ADA: variants seen among roughly 807,000 people sequenced by gnomAD.
ADA encodes the protein adenosine aminohydrolase.
Under a neutral mutation model 49.0 loss-of-function variants are expected in ADA, and 45 were observed. The observed-to-expected ratio is 0.92, with a 90% CI of 0.72 to 1.18. The LOEUF (loss-of-function observed/expected upper bound fraction) is 1.18. ADA is among the 50% of genes most tolerant of loss of function. ADA has a pLI of 0.00. For missense variants in ADA, 445 were observed against 472.5 expected, an observed-to-expected ratio of 0.94 and a Z score of 0.54; for synonymous variants, 173 against 184.2, an observed-to-expected ratio of 0.94 and a Z score of 0.49.
chr20:44,636,252 G>T lies in ADA; in HGVS notation c.70C>A (p.Pro24Thr), dbSNP rs761815086. The change falls in exon 2 of 12, where the codon CCT becomes ACT. Residue 24 changes from proline (P) to threonine (T), a missense_variant. Coordinates refer to ENST00000372874, the MANE Select transcript of ADA (RefSeq NM_000022.4). ...CTGCCATAGTATAAGATGGTTTCAGGCTTGATGGATCCGTCTAGGTGGACA... is the reference window on the plus strand; with the variant it reads ...CTGCCATAGTATAAGATGGTTTCAGTCTTGATGGATCCGTCTAGGTGGACA... Reference protein sequence around the residue: ...LHVHLDGSIKPETILYYGRRR... With the variant: ...LHVHLDGSIKTETILYYGRRR... 2 of 1,610,668 alleles carry T rather than the reference G, an allele frequency of 1.2e-6. No homozygotes were observed. The highest frequency in any genetic ancestry group is 1.1e-5 in the South Asian group (1 of 90,206).
intron 1 of ADA, among the ~76,000 whole-genome samples, chr20:44,647,447 A>G (rs148047618): frequency 1.1e-4 from 16 of 151,726 alleles, no homozygotes; most frequent in African/African-American, 3.4e-4. Context: ...AAAAAAGAAA[A>G]AAAGAAAGAA....
At chr20:44,638,281 A>C (rs1049498322) in intron 1 of ADA, among the ~76,000 whole-genome samples, 1 of 152,202 alleles carries the variant, frequency 6.6e-6, no homozygotes, top group Non-Finnish European at 1.5e-5. Context: ...GTTGTCAACT[A>C]AAAGTCAATG....
chr20:44,632,715 G>A (rs966867475), intron 2 of ADA, among the ~76,000 whole-genome samples: 4 of 152,032 alleles, frequency 2.6e-5, no homozygotes, highest in Admixed American at 2.6e-4. Flanking sequence ...TTTTTGAGAC[G>A]GAGTCTTGCT....
intron 2 of ADA, among the ~76,000 whole-genome samples, chr20:44,631,657 C>T (rs550517135): frequency 4.1e-4 from 62 of 152,196 alleles, no homozygotes; most frequent in Non-Finnish European, 6.8e-4. Flanking sequence ...ACTCCACCTG[C>T]GGGGGCTCTG....
At chr20:44,647,506 G>C (rs913265126) in intron 1 of ADA, among the ~76,000 whole-genome samples, 1 of 152,054 alleles carries the variant, frequency 6.6e-6, no homozygotes, top group Non-Finnish European at 1.5e-5. Flanking sequence ...ACAGCTTCAA[G>C]GCTCTCAGAT....
In ADA at chr20:44,623,022, G is replaced by A. The variant is rs553639716; in HGVS notation, c.663C>T (p.Ala221=). Residue 221 remains alanine (A), a synonymous_variant, in exon 7 of 12, where the codon GCC becomes GCT. Coordinates refer to ENST00000372874, the MANE Select transcript of ADA (RefSeq NM_000022.4). ...AGGCCCTCACCTCTTTTACTACTTC[G>A]GCCGAGCCCACCTCCCCGGCGTGGA... The part of the protein sequence containing the change: ...RTVHAGEVGS[A]EVVKEAVDIL... 39 of 1,614,118 alleles carry A rather than the reference G, an allele frequency of 2.4e-5. No homozygotes were observed. The highest frequency in any genetic ancestry group is 8.9e-5 in the East Asian group (4 of 44,872).
chr20:44,624,388 C>T (rs1440039314), intron 5 of ADA, 59 bp from the exon 6 acceptor site: 1 of 1,608,300 alleles, frequency 6.2e-7, no homozygotes, highest in Non-Finnish European at 8.5e-7. Context: ...ACCTCCCAGC[C>T]TACCTGCCTG....
intron 2 of ADA, among the ~76,000 whole-genome samples, chr20:44,635,780 C>T (rs2065474061): frequency 6.6e-6 from 1 of 152,142 alleles, no homozygotes; most frequent in Admixed American, 6.5e-5. Context: ...TGCTTGTAAT[C>T]CCAGCTACTC....
At chr20:44,650,493 T>C (rs2065634064) in intron 1 of ADA, among the ~76,000 whole-genome samples, 1 of 152,148 alleles carries the variant, frequency 6.6e-6, no homozygotes, top group Non-Finnish European at 1.5e-5. Flanking sequence ...AGTGGCACCA[T>C]CACACCTCAC....
At chr20:44,644,155 C>T (rs1600946448) in intron 1 of ADA, among the ~76,000 whole-genome samples, 4 of 54,720 alleles carry the variant, frequency 7.3e-5, no homozygotes, top group African/African-American at 2.4e-4. Context: ...ACTGGGTTTA[C>T]CTTGGAGGTA....
intron 3 of ADA, 54 bp from the exon 4 acceptor site, chr20:44,626,653 T>C: frequency 6.2e-7 from 1 of 1,607,324 alleles, no homozygotes. Context: ...CCTTGGGAGC[T>C]CCAGGAGCAA....
At chr20:44,628,981 G>T in intron 3 of ADA, 66 bp downstream of exon 3, 1 of 1,611,414 alleles carries the variant, frequency 6.2e-7, no homozygotes. Flanking sequence ...CAGGCTGAGG[G>T]ACAGGCCTGG....
At chr20:44,625,213 T>A (rs570070291) in intron 5 of ADA, among the ~76,000 whole-genome samples, 2 of 152,124 alleles carry the variant, frequency 1.3e-5, no homozygotes, top group South Asian at 4.2e-4. Flanking sequence ...AAATCAGACC[T>A]ATTCAGGCCC....
At chr20:44,626,022 G>C (rs1418729139) in intron 4 of ADA, among the ~76,000 whole-genome samples, 1 of 152,182 alleles carries the variant, frequency 6.6e-6, no homozygotes, top group African/African-American at 2.4e-5. Flanking sequence ...GGGGCAGGGT[G>C]GTTTTGTGAT....
intron 10 of ADA, 44 bp downstream of exon 10, chr20:44,620,974 C>A: frequency 6.2e-7 from 1 of 1,612,758 alleles, no homozygotes; most frequent in Admixed American, 1.7e-5. Flanking sequence ...AGATACCATA[C>A]TCCCAAACCC....
chr20:44,643,171 C>T (rs1268503606), intron 1 of ADA, among the ~76,000 whole-genome samples: 2 of 152,242 alleles, frequency 1.3e-5, no homozygotes, highest in African/African-American at 4.8e-5. Flanking sequence ...GGAAAAGGGT[C>T]AGCAGTGGCC....
At chr20:44,625,534 C>T (rs374116181) in intron 5 of ADA, 35 bp downstream of exon 5, 62 of 1,540,874 alleles carry the variant, frequency 4.0e-5, no homozygotes, top group African/African-American at 1.5e-4. Flanking sequence ...CAGGGTGAGA[C>T]GGGCGGCCCT....
At chr20:44,629,220 G>A (rs766556981) in intron 2 of ADA, 51 bp from the exon 3 acceptor site, 48 of 1,612,912 alleles carry the variant, frequency 3.0e-5, no homozygotes, top group Non-Finnish European at 3.6e-5. Context: ...GATCCAGGCA[G>A]GCCTGACAGG....
At chr20:44,649,995 A>G (rs1183400130) in intron 1 of ADA, among the ~76,000 whole-genome samples, 1 of 152,182 alleles carries the variant, frequency 6.6e-6, no homozygotes, top group Non-Finnish European at 1.5e-5. Flanking sequence ...TTTGCCTCCC[A>G]AAGTGCTGGG....
Sources: gnomAD v4.1 joint callset for allele counts (sites outside exome capture counted in the v4.1 genomes callset) on GRCh38, gnomAD v4.1.1 for gene constraint, MANE v1.5 for transcripts, NCBI Gene and HGNC (gene_info 2026-07-23, HGNC 2026-07-21) for gene names.